Variants in ATP10A observed in about 807,000 individuals in gnomAD.
ATP10A encodes phospholipid-transporting ATPase VA.
A neutral mutation model predicts 147.8 loss-of-function variants in ATP10A; 111 were observed. That is an observed-to-expected ratio of 0.75 (90% CI 0.64 to 0.88). The LOEUF is 0.88. ATP10A is among the 40% of genes least tolerant of loss of function. The probability of loss-of-function intolerance (pLI) is 0.00; values close to 1 mark genes in which losing one functional copy is unlikely to be tolerated. For synonymous variants in ATP10A, 875 were observed against 841.6 expected (o/e 1.04, Z -0.69); for missense variants, 1,927 against 1,959.0 (o/e 0.98, Z 0.31).
At chr15:25,729,319 A>G (rs1902803267) in intron 3 of ATP10A, among the ~76,000 whole-genome samples, 1 of 152,154 alleles carries the variant, frequency 6.6e-6, no homozygotes. Context: ...AAACCCCGTC[A>G]CCAGGTGTCC....
intron 13 of ATP10A, among the ~76,000 whole-genome samples, chr15:25,697,446 C>T (rs532276346): frequency 6.6e-6 from 1 of 152,262 alleles, no homozygotes; most frequent in Admixed American, 6.5e-5. Flanking sequence ...TGGAAAAAGA[C>T]AATCCACAGA....
intron 1 of ATP10A, among the ~76,000 whole-genome samples, chr15:25,817,936 T>C (rs7182767): frequency 0.37 from 56,550 of 152,132 alleles, 12,209 homozygotes; most frequent in African/African-American, 0.6. Context: ...GTTGTATTCA[T>C]TTTTGGTTTT....
At chr15:25,726,116 G>C (rs1902530010) in intron 4 of ATP10A, 34 bp from the exon 5 acceptor site, 2 of 1,606,644 alleles carry the variant, frequency 1.2e-6, no homozygotes, top group African/African-American at 2.7e-5. Context: ...TGGCAAGTCA[G>C]AGACTGGAGC....
chr15:25,702,724 C>T (rs1437279897), intron 12 of ATP10A, among the ~76,000 whole-genome samples: 2 of 150,760 alleles, frequency 1.3e-5, no homozygotes, highest in East Asian at 3.9e-4. Context: ...CTACTATTGA[C>T]TGCGGAAATG....
At chr15:25,800,822 T>C (rs1046377751) in intron 1 of ATP10A, among the ~76,000 whole-genome samples, 1 of 152,164 alleles carries the variant, frequency 6.6e-6, no homozygotes, top group Admixed American at 6.5e-5. Flanking sequence ...TCTGACTTCA[T>C]TTCATCTATT....
chr15:25,828,315 A>C, intron 1 of ATP10A, among the ~76,000 whole-genome samples: 1 of 152,348 alleles, frequency 6.6e-6, no homozygotes, highest in African/African-American at 2.4e-5. Flanking sequence ...CAACTGTAGA[A>C]TACTCTGCCC....
intron 1 of ATP10A, among the ~76,000 whole-genome samples, chr15:25,815,219 A>C (rs1312186076): frequency 6.6e-6 from 1 of 152,220 alleles, no homozygotes; most frequent in African/African-American, 2.4e-5. Context: ...CTACTCACTT[A>C]AACAACCCAG....
rs1297892570 is a variant in ATP10A, at chr15:25,713,825, C to G, written c.2193G>C (p.Arg731Ser). Residue 731 changes from arginine (R) to serine (S), a missense_variant, in exon 10 of 21, where the codon AGG becomes AGC. Transcript: ENST00000555815. The stretch of plus-strand genomic sequence containing the variant: ...GTGTGTGCAGGAGCTCGAAGGTGAG[C>G]CTGCCCAGGTGGGGCAGCTCCACTG... ...QVSVELPHLG[R>S]LTFELLHTLG... The G allele has an allele frequency of 6.2e-7, 1 of 1,614,064 alleles. No homozygotes were observed. The highest frequency in any genetic ancestry group is 1.7e-5 in the Admixed American group (1 of 60,036).
At position 25,860,294 on chromosome 15, in the gene ATP10A, G is replaced by A. The variant is rs114264102; in HGVS notation, c.449+2354C>T. Among the ~76,000 whole-genome samples the A allele has an allele frequency of 4.0e-3, 601 of 151,860 alleles. 5 individuals carry two copies. The highest frequency in any genetic ancestry group is 0.013 in the African/African-American group (545 of 41,402). On this transcript the variant is annotated intron_variant, in intron 1 of 20. Transcript: ENST00000555815. ...CCATTTTCCTGATCCTCACACCACC[G>A]TCCCAGACTCTTGTCCTGCACTGGG...
At chr15:25,842,360 C>T (rs868101164) in intron 1 of ATP10A, among the ~76,000 whole-genome samples, 6 of 152,152 alleles carry the variant, frequency 3.9e-5, no homozygotes, top group Admixed American at 6.6e-5. Context: ...GTTGCTACCC[C>T]CTCATGTCCT....
chr15:25,862,080 C>T (rs1893785416), intron 1 of ATP10A: 2 of 324,778 alleles, frequency 6.2e-6, no homozygotes, highest in African/African-American at 4.5e-5. Flanking sequence ...GTGCCTGGCT[C>T]GCGGCTCATG....
chr15:25,713,738 C>T lies in ATP10A; in HGVS notation c.2280G>A (p.Glu760=). ...CGGCCCCCTTGGTGTAGACGTTGAT[C>T]TCATCGGTAAGCGGGTGCCGGATCA... ...SVVIRHPLTD[E]INVYTKGADS... is the part of the protein sequence containing the mutation. Residue 760 remains glutamate (E), a synonymous_variant, in exon 10 of 21, where the codon GAG becomes GAA. Transcript: ENST00000555815. 1.2e-6 allele frequency: 2 copies of T among 1,614,110 alleles called. No homozygotes were observed. The highest frequency in any genetic ancestry group is 1.7e-6 in the Non-Finnish European group (2 of 1,180,028).
At chr15:25,806,252 G>A (rs890703426) in intron 1 of ATP10A, among the ~76,000 whole-genome samples, 5 of 152,138 alleles carry the variant, frequency 3.3e-5, no homozygotes, top group African/African-American at 9.7e-5. Flanking sequence ...CGAGAATGAA[G>A]ATCTGTATGA....
At chr15:25,822,664 C>A (rs1466779551) in intron 1 of ATP10A, among the ~76,000 whole-genome samples, 1 of 152,146 alleles carries the variant, frequency 6.6e-6, no homozygotes, top group Non-Finnish European at 1.5e-5. Flanking sequence ...TAGTCACATA[C>A]CCTCTGTACC....
At chr15:25,795,638 G>A (rs879514585) in intron 1 of ATP10A, among the ~76,000 whole-genome samples, 9 of 152,306 alleles carry the variant, frequency 5.9e-5, no homozygotes, top group Admixed American at 5.9e-4. Flanking sequence ...CTAGCACTAA[G>A]ACATCTGTCT....
At chr15:25,769,379 C>T (rs762397493) in intron 2 of ATP10A, among the ~76,000 whole-genome samples, 4 of 147,176 alleles carry the variant, frequency 2.7e-5, no homozygotes, top group African/African-American at 7.5e-5. Context: ...CCCAGCTACT[C>T]GGGAGGCTGA....
chr15:25,749,060 CA>C (rs1171259548), intron 2 of ATP10A, among the ~76,000 whole-genome samples: 24,655 of 67,640 alleles, frequency 0.36, 1,549 homozygotes, highest in Admixed American at 0.44. Flanking sequence ...GAGACTCTGT[CA>C]AAAAAAAAAA....
chr15:25,713,954 C>T lies in ATP10A; in HGVS notation c.2064G>A (p.Glu688=), dbSNP rs541762509. Residue 688 remains glutamate, a synonymous_variant, in exon 10 of 21, where the codon GAG becomes GAA. Coordinates refer to ENST00000555815, the MANE Select transcript of ATP10A (RefSeq NM_024490.4). ...ASELAQEQES[E]RELRYEAESP... ...TCTCCGCCTCGTACCGCAGCTCGCG[C>T]TCTGACTCCTGCTCCTGAGCAAGCT... The T allele has an allele frequency of 6.2e-7, 1 of 1,610,502 alleles. No homozygotes were observed. Among genetic ancestry groups the T allele is most frequent in the African/African-American group, 1.3e-5 (1 of 74,956 alleles).
chr15:25,716,635 AGGAAAGGGAAG>A, intron 9 of ATP10A, 84 bp downstream of exon 9: 1 of 1,247,480 alleles, frequency 8.0e-7, no homozygotes, highest in African/African-American at 1.5e-5. Flanking sequence ...CGCTTGCTGC[AGGAAAGGGAAG>A]GGCGCCTGCC....
Sources: gnomAD v4.1 joint callset for allele counts (sites outside exome capture counted in the v4.1 genomes callset) on GRCh38, gnomAD v4.1.1 for gene constraint, MANE v1.5 for transcripts, NCBI Gene and HGNC (gene_info 2026-07-23, HGNC 2026-07-21) for gene names.